Variants in SRCAP observed in about 807,000 individuals in gnomAD.
SRCAP encodes the protein Snf2 related CREBBP activator protein.
A neutral mutation model predicts 263.1 loss-of-function variants in SRCAP; 46 were observed. That is an observed-to-expected ratio of 0.17 (90% confidence interval 0.14 to 0.22). The LOEUF is 0.22. Among genes scored for constraint, SRCAP ranks in the 10% least tolerant of loss-of-function variants. SRCAP has a pLI of 1.00. For missense variants in SRCAP, 3,695 were observed against 4,181.9 expected (o/e 0.88, Z 3.21); for synonymous variants, 1,813 against 1,662.1 (o/e 1.09, Z -2.21).
Position 30,738,800 on chromosome 16 carries a change from A to G in SRCAP, c.8760A>G (p.Gly2920=), listed in dbSNP as rs199928454. The change falls in exon 34 of 34, where the codon GGA becomes GGG. Residue 2920 remains glycine, a synonymous_variant. Coordinates refer to ENST00000262518, the MANE Select transcript of SRCAP (RefSeq NM_006662.3). ...PQLIPGPQPL[G]PQPVHRPNPL... ...TTATTCCTGGGCCCCAGCCTCTTGG[A>G]CCCCAGCCAGTTCACAGACCCAATC... The G allele has an allele frequency of 5.6e-5, 90 of 1,613,622 alleles. 1 individual carries two copies. The Admixed American group carries it at 1.5e-3, about 26-fold the overall frequency.
Position 30,722,737 on chromosome 16 carries a change from C to T in SRCAP, c.3881C>T (p.Ala1294Val). The T allele has an allele frequency of 6.2e-7, 1 of 1,610,554 alleles. No individual in the cohort carries two copies. The change falls in exon 23 of 34, where the codon GCT becomes GTT. Residue 1294 changes from alanine to valine, a missense_variant. Ala to Val is a moderately conservative substitution (Grantham distance 64, BLOSUM62 0). Transcript: ENST00000262518. ...CCTACTGGCCTCAGCCTTCCGCTTG[C>T]TGCTAACCAGGGTGAGGCTCCTGGC... ...PAPTGLSLPL[A>V]ANQVPPTMVN...
chr16:30,724,441 C>A lies in SRCAP; in HGVS notation c.5017C>A (p.Pro1673Thr). 1 of 1,614,238 alleles carries A rather than the reference C, an allele frequency of 6.2e-7. No individual in the cohort carries two copies. Among genetic ancestry groups the A allele is most frequent in the Non-Finnish European group, 8.5e-7 (1 of 1,180,044 alleles). The change falls in exon 25 of 34, where the codon CCG becomes ACG. Residue 1673 changes from proline to threonine, a missense_variant. Transcript: ENST00000262518. The part of the protein sequence containing the change: ...MLPAPVPSPL[P>T]SPASTQTLAL... ...ACCAGCCCCGGTTCCGTCACCTCTCCCGAGCCCGGCTTCTACGCAGACACT... is the reference window on the plus strand; with the variant it reads ...ACCAGCCCCGGTTCCGTCACCTCTCACGAGCCCGGCTTCTACGCAGACACT...
rs777712374 is a variant in SRCAP at position 30,713,718 on chromosome 16, C to T, written c.2493+7C>T. On this transcript the variant is annotated splice_region_variant and intron_variant, in intron 16 of 33. Transcript: ENST00000262518. The stretch of plus-strand genomic sequence containing the variant: ...AGTCAAACGCCTCCACAAGGTAGGG[C>T]CTGCAACAGTTTGTCAGGGTATTGG... 9 of 1,612,944 alleles carry T rather than the reference C, an allele frequency of 5.6e-6. No individual in the cohort carries two copies. The South Asian group carries it at 9.9e-5, about 18-fold the overall frequency.
chr16:30,718,063 G>A (rs895140417), intron 18 of SRCAP, among the ~76,000 whole-genome samples: 3 of 151,540 alleles, frequency 2.0e-5, no homozygotes, highest in Non-Finnish European at 4.4e-5. Context: ...TGTAGAGATG[G>A]GATGTTGATA....
At position 30,723,772 on chromosome 16, in the gene SRCAP, C is replaced by A; in HGVS notation, c.4348C>A (p.Pro1450Thr). Residue 1450 changes from proline (P) to threonine (T), a missense_variant, in exon 25 of 34, where the codon CCA (proline) becomes ACA (threonine). Around this residue, in one of 12 missense-constraint regions of SRCAP, gnomAD observed 1,347 missense variants for 1,304.4 expected, o/e 1.03. Coordinates refer to ENST00000262518, the MANE Select transcript of SRCAP (RefSeq NM_006662.3). ...CTCTGTCCCCACCACACTTCCTGCC[C>A]CAGCCTCGGCTCCACTCACCATCCC... ...PISVPTTLPA[P>T]ASAPLTIPIS... The A allele has an allele frequency of 6.2e-7, 1 of 1,614,104 alleles. No individual in the cohort carries two copies. Among genetic ancestry groups the A allele is most frequent in the Non-Finnish European group, 8.5e-7 (1 of 1,180,006 alleles).
At chr16:30,707,754 G>C in intron 6 of SRCAP, 42 bp downstream of exon 6, 4 of 1,609,682 alleles carry the variant, frequency 2.5e-6, no homozygotes, top group Non-Finnish European at 3.4e-6. Flanking sequence ...CCTTGGATTA[G>C]ATTGGTAGAT....
chr16:30,707,128 A>G, intron 4 of SRCAP, 55 bp from the exon 5 acceptor site: 3 of 1,571,938 alleles, frequency 1.9e-6, no homozygotes, highest in South Asian at 1.1e-5. Context: ...CAGCCGTGGC[A>G]GTGAGATGGA....
Position 30,709,900 on chromosome 16 carries a change from G to A in SRCAP, c.906G>A (p.Thr302=), listed in dbSNP as rs541193319. 7.4e-6 allele frequency: 12 copies of A among 1,614,196 alleles called. No homozygotes were observed. Among genetic ancestry groups the A allele is most frequent in the South Asian group, 4.4e-5 (4 of 91,080 alleles). ...QEDEEEDDEE[T]IEVEEQQEGN... is the part of the protein sequence containing the mutation. ...ATGAGGAAGAGGATGATGAGGAAACGATTGAAGTTGAAGAACAACAGGAAG... is the reference window on the plus strand; with the variant it reads ...ATGAGGAAGAGGATGATGAGGAAACAATTGAAGTTGAAGAACAACAGGAAG... Residue 302 remains threonine, a synonymous_variant, in exon 8 of 34, where the codon ACG becomes ACA. Transcript: ENST00000262518.
chr16:30,707,724 G>A lies in SRCAP; in HGVS notation c.633+12G>A. The A allele has an allele frequency of 6.2e-7, 1 of 1,613,892 alleles. No homozygotes were observed. Among genetic ancestry groups the A allele is most frequent in the Non-Finnish European group, 8.5e-7 (1 of 1,179,856 alleles). ...GCAATGTGGAGAAGGTAGACAGTGG[G>A]GATCAGGAAAGGAAAATGGCCTTGG... On this transcript the variant is annotated intron_variant, in intron 6 of 33. Transcript: ENST00000262518.
At chr16:30,710,604 C>T (rs750549398) in intron 8 of SRCAP, 150 bp from the exon 9 acceptor site, 13 of 886,180 alleles carry the variant, frequency 1.5e-5, no homozygotes, top group Non-Finnish European at 2.3e-5. Flanking sequence ...TGAGAGAAAA[C>T]CCTTGATTGT....
At chr16:30,729,663 T>C (rs1489140436) in intron 27 of SRCAP, 91 bp downstream of exon 27, 2 of 1,459,396 alleles carry the variant, frequency 1.4e-6, no homozygotes, top group African/African-American at 2.8e-5. Context: ...ACTTAAGTTC[T>C]CTTGCGATTT....
chr16:30,721,564 A>G lies in SRCAP; in HGVS notation c.3541+88A>G, dbSNP rs529970165. ...GCATCAAATTTTAGGCAGCTGGGTC[A>G]GGCATGATGGCTCATGCCTATAATC... On this transcript the variant is annotated intron_variant, in intron 21 of 33. Transcript: ENST00000262518. 4.2e-4 allele frequency: 626 copies of G among 1,498,854 alleles called. 3 individuals carry two copies. In the African/African-American group the frequency reaches 8.2e-3, roughly 20 times the overall value. 92.8% of individuals were successfully genotyped at this position (1,498,854 alleles called of 1,614,324 possible). A position where few individuals can be genotyped will look rare whatever the true frequency, so the allele number is the denominator to read the frequency against.
At chr16:30,736,955 T>C (rs1335787201) in intron 33 of SRCAP, 94 bp from the exon 34 acceptor site, 10 of 1,356,694 alleles carry the variant, frequency 7.4e-6, no homozygotes, top group Non-Finnish European at 8.0e-6. Flanking sequence ...ATTACAGGCG[T>C]GAGCCACCGC....
At position 30,720,041 on chromosome 16, in the gene SRCAP, T is replaced by G. The variant is rs1196031004; in HGVS notation, c.2818-121T>G. 5 of 1,047,644 alleles carry G rather than the reference T, an allele frequency of 4.8e-6. No individual in the cohort carries two copies. In the Admixed American group the frequency reaches 8.5e-5, roughly 18 times the overall value. 64.9% of individuals were successfully genotyped at this position (1,047,644 alleles called of 1,614,324 possible). ...GCTCCCACTTGTGAGTGAGTACATG[T>G]GGTATTTGGTTTTCTGTTTCTGTGT... On this transcript the variant is annotated intron_variant, in intron 18 of 33. Coordinates refer to ENST00000262518, the MANE Select transcript of SRCAP (RefSeq NM_006662.3).
chr16:30,699,276 A>C (rs1259250103), intron 1 of SRCAP, 34 bp downstream of exon 1: 1 of 398,472 alleles, frequency 2.5e-6, no homozygotes, highest in Non-Finnish European at 4.4e-6. Flanking sequence ...GTGGCGGAGT[A>C]GGGAGTGAAT....
intron 18 of SRCAP, among the ~76,000 whole-genome samples, chr16:30,719,598 C>T (rs2052989622): frequency 6.6e-6 from 1 of 152,010 alleles, no homozygotes; most frequent in African/African-American, 2.4e-5. Context: ...ACTGCAGCCT[C>T]AGCTCCCTGG....
At chr16:30,720,458 C>A in intron 19 of SRCAP, 127 bp downstream of exon 19, 1 of 1,181,328 alleles carries the variant, frequency 8.5e-7, no homozygotes, top group Non-Finnish European at 1.2e-6. Context: ...TGGGTGCAAA[C>A]GTGGAGGGAA....
At chr16:30,727,303 G>A (rs144722623) in intron 25 of SRCAP, among the ~76,000 whole-genome samples, 1 of 152,318 alleles carries the variant, frequency 6.6e-6, no homozygotes, top group East Asian at 1.9e-4. Flanking sequence ...CAGATCCTCT[G>A]CCCTTTTAAA....
rs1164300911 is a variant in SRCAP at position 30,707,322 on chromosome 16, C to T, written c.446C>T (p.Ala149Val). Residue 149 changes from alanine (A) to valine (V), a missense_variant, in exon 5 of 34, where the codon GCT (alanine) becomes GTT (valine). Ala to Val is a moderately conservative substitution (Grantham distance 64). Coordinates refer to ENST00000262518, the MANE Select transcript of SRCAP (RefSeq NM_006662.3). Reference sequence around the variant, plus strand: ...TGCGAAGAGATGCAGTGGCTCTCTGCTGACTTTGCTCAGGAGCGCCGTTGG... The same window carrying T: ...TGCGAAGAGATGCAGTGGCTCTCTGTTGACTTTGCTCAGGAGCGCCGTTGG... ...YLCEEMQWLS[A>V]DFAQERRWKR... 2 of 1,614,216 alleles carry T rather than the reference C, an allele frequency of 1.2e-6. No homozygotes were observed. Among genetic ancestry groups the T allele is most frequent in the East Asian group, 2.2e-5 (1 of 44,884 alleles).
Sources: allele counts gnomAD v4.1 joint callset (sites outside exome capture counted in the v4.1 genomes callset), GRCh38; gene constraint gnomAD v4.1.1; regional missense constraint gnomAD v4.1.1; transcripts MANE v1.5; gene names NCBI Gene and HGNC (gene_info 2026-07-23, HGNC 2026-07-21).